Variants in BRAP observed in about 807,000 individuals in gnomAD.
The protein encoded by BRAP is BRCA1-associated protein.
Under a neutral mutation model 73.4 loss-of-function variants are expected in BRAP, and 42 were observed. The observed-to-expected ratio is 0.57, with a 90% CI of 0.45 to 0.74. The LOEUF is 0.74. Among genes scored for constraint, BRAP ranks in the 30% least tolerant of loss-of-function variants. The pLI is 0.00. For synonymous variants in BRAP, 255 were observed against 267.4 expected, an observed-to-expected ratio of 0.95 and a Z score of 0.45; for missense variants, 593 against 751.4, an observed-to-expected ratio of 0.79 and a Z score of 2.46.
chr12:111,671,778 C>T (rs1314362038), intron 5 of BRAP, among the ~76,000 whole-genome samples: 3 of 151,310 alleles, frequency 2.0e-5, no homozygotes, highest in African/African-American at 7.3e-5. Flanking sequence ...TGGACCTCCC[C>T]CGACTCAGGT....
intron 5 of BRAP, among the ~76,000 whole-genome samples, chr12:111,670,526 T>C (rs1887127308): frequency 6.6e-6 from 1 of 152,204 alleles, no homozygotes; most frequent in South Asian, 2.1e-4. Context: ...GGGAGTCTTG[T>C]TCTGTTGCCC....
chr12:111,683,190 C>T lies in BRAP; in HGVS notation c.200G>A (p.Arg67Gln), dbSNP rs1223087434. ...CTCAATGATCACATCTGTCATTTCT[C>T]GACGGCCGAGATGCTGATGGATAAT... is the stretch of plus-strand genomic sequence containing the variant. ...VAIIHQHLGR[R>Q]EMTDVIIETM... Residue 67 changes from arginine (R) to glutamine (Q), a missense_variant, in exon 2 of 12, where the codon CGA (arginine) becomes CAA (glutamine). Physicochemically the swap from Arg to Gln is conservative, Grantham distance 43. Coordinates refer to ENST00000419234, the MANE Select transcript of BRAP (RefSeq NM_006768.5). The T allele has an allele frequency of 1.2e-5, 20 of 1,613,988 alleles. No homozygotes were observed. The highest frequency in any genetic ancestry group is 1.7e-5 in the Non-Finnish European group (20 of 1,180,022).
In BRAP at chr12:111,660,591, A is replaced by ATTACTTAATTCC; in HGVS notation, c.972+8_972+9insGGAATTAAGTAA. ...CATTCTTTGTTCTTTTCCATCACCC[A>ATTACTTAATTCC]TTACTTACTTCCTGAACACCACACT... On this transcript the variant is annotated intron_variant, in intron 7 of 11. Coordinates refer to ENST00000419234, the MANE Select transcript of BRAP (RefSeq NM_006768.5). The ATTACTTAATTCC allele has an allele frequency of 6.3e-7, 1 of 1,597,174 alleles. No individual in the cohort carries two copies. The highest frequency in any genetic ancestry group is 1.1e-5 in the South Asian group (1 of 88,082).
chr12:111,656,177 G>A (rs1229815618), intron 9 of BRAP, among the ~76,000 whole-genome samples: 1 of 152,236 alleles, frequency 6.6e-6, no homozygotes, highest in Admixed American at 6.5e-5. Flanking sequence ...TCCAGTGCCT[G>A]GCACATGGTG....
intron 3 of BRAP, among the ~76,000 whole-genome samples, chr12:111,680,650 C>T (rs1193681690): frequency 6.6e-6 from 1 of 151,822 alleles, no homozygotes; most frequent in African/African-American, 2.4e-5. Flanking sequence ...CAGGATTGCA[C>T]CACTGCACTC....
chr12:111,656,224 G>T (rs749634768), intron 9 of BRAP, among the ~76,000 whole-genome samples: 1 of 152,242 alleles, frequency 6.6e-6, no homozygotes, highest in Non-Finnish European at 1.5e-5. Flanking sequence ...CTGCATGAAT[G>T]AATGAACAGT....
At chr12:111,658,692 G>T in intron 9 of BRAP, 44 bp downstream of exon 9, 1 of 1,336,720 alleles carries the variant, frequency 7.5e-7, no homozygotes, top group Non-Finnish European at 1.1e-6. Context: ...GAATAGTAAA[G>T]AGCAGTAGAA....
chr12:111,679,940 A>C (rs1385413050), intron 3 of BRAP, among the ~76,000 whole-genome samples: 4 of 149,418 alleles, frequency 2.7e-5, no homozygotes. Flanking sequence ...CTGGCTATGG[A>C]CCTCTCTTAA....
chr12:111,679,428 G>T, intron 3 of BRAP, 88 bp from the exon 4 acceptor site: 1 of 945,940 alleles, frequency 1.1e-6, no homozygotes, highest in East Asian at 3.0e-5. Flanking sequence ...CAAGAAAACA[G>T]GAAAAAATAA....
At chr12:111,651,179 TCATTTTCC>T (rs1566111108) in intron 10 of BRAP, among the ~76,000 whole-genome samples, 1,972 of 151,982 alleles carry the variant, frequency 0.013, 50 homozygotes, top group African/African-American at 0.045. Flanking sequence ...TTCTTTTTAA[TCATTTTCC>T]ATACAGCCTG....
chr12:111,672,573 T>C (rs1887218654), intron 5 of BRAP, 88 bp downstream of exon 5: 2 of 1,176,434 alleles, frequency 1.7e-6, no homozygotes, highest in Non-Finnish European at 2.4e-6. Flanking sequence ...TGGACTGGCC[T>C]ATTCTGGGTA....
At chr12:111,670,320 T>C (rs1887117033) in intron 5 of BRAP, 1 of 539,300 alleles carries the variant, frequency 1.9e-6, no homozygotes, top group Non-Finnish European at 3.7e-6. Context: ...TCAGGTCCTC[T>C]GGCAGCTCCA....
At chr12:111,670,295 T>G in intron 5 of BRAP, 1 of 573,820 alleles carries the variant, frequency 1.7e-6, no homozygotes, top group Non-Finnish European at 3.4e-6. Flanking sequence ...TTTCACAAGT[T>G]TTTCTGCCTC....
In BRAP at chr12:111,681,647, A is replaced by T; in HGVS notation, c.433T>A (p.Tyr145Asn). 1 of 1,610,530 alleles carries T rather than the reference A, an allele frequency of 6.2e-7. No individual in the cohort carries two copies. The highest frequency in any genetic ancestry group is 2.2e-5 in the East Asian group (1 of 44,768). The change falls in exon 3 of 12, where the codon TAT becomes AAT. Residue 145 changes from tyrosine to asparagine, a missense_variant. Tyr to Asn is a moderately radical substitution (Grantham distance 143). Transcript: ENST00000419234. ...VEIVHGIMHL[Y>N]KTNKMTSLKE... Reference sequence around the variant, plus strand: ...AGAGGGTTTTCTTACTTTGTCTTATATAGGTGCATAATACCATGAACTATT... The same window carrying T: ...AGAGGGTTTTCTTACTTTGTCTTATTTAGGTGCATAATACCATGAACTATT...
intron 11 of BRAP, among the ~76,000 whole-genome samples, chr12:111,644,816 G>C (rs1184993063): frequency 6.6e-6 from 1 of 152,154 alleles, no homozygotes; most frequent in Admixed American, 6.6e-5. Context: ...GAATGCAATG[G>C]CACGATCTCA....
intron 11 of BRAP, among the ~76,000 whole-genome samples, chr12:111,645,124 A>T (rs1244068876): frequency 6.6e-6 from 1 of 151,660 alleles, no homozygotes; most frequent in African/African-American, 2.4e-5. Context: ...GCTGGAATGC[A>T]GTGGCGTGAT....
intron 6 of BRAP, among the ~76,000 whole-genome samples, chr12:111,664,329 C>G (rs1370161567): frequency 6.6e-6 from 1 of 151,848 alleles, no homozygotes; most frequent in Non-Finnish European, 1.5e-5. Context: ...AAGACCCTGT[C>G]TCAAAAAAAA....
intron 1 of BRAP, chr12:111,685,453 G>T: frequency 1.3e-6 from 1 of 759,420 alleles, no homozygotes; most frequent in Non-Finnish European, 1.8e-6. Flanking sequence ...CGACTATCTC[G>T]AGAGGGAGAC....
chr12:111,680,999 T>C (rs908941803), intron 3 of BRAP, among the ~76,000 whole-genome samples: 1 of 152,230 alleles, frequency 6.6e-6, no homozygotes, highest in African/African-American at 2.4e-5. Flanking sequence ...GGTGGGGACA[T>C]GAGACTACAA....
Sources: allele counts gnomAD v4.1 joint callset (sites outside exome capture counted in the v4.1 genomes callset), GRCh38; gene constraint gnomAD v4.1.1; transcripts MANE v1.5; gene names NCBI Gene and HGNC (gene_info 2026-07-23, HGNC 2026-07-21).